The following TGFB3 variants were observed in gnomAD, a reference collection of about 807,000 sequenced individuals.
TGFB3 encodes transforming growth factor beta 3.
Under a neutral mutation model 40.1 loss-of-function variants are expected in TGFB3, and 5 were observed. The ratio of observed to expected loss-of-function variants is 0.12; its 90% confidence interval spans 0.07 to 0.26. TGFB3 has a LOEUF of 0.26. TGFB3 is among the 10% of genes least tolerant of loss of function. The probability of loss-of-function intolerance (pLI) is 1.00; values close to 1 mark genes in which losing one functional copy is unlikely to be tolerated. For missense variants in TGFB3, 373 were observed against 530.1 expected (o/e 0.70, Z 2.91); for synonymous variants, 184 against 205.6 (o/e 0.89, Z 0.90).
upstream of TGFB3, chr14:75,982,994 C>T (rs2035455168): frequency 1.3e-5 from 2 of 152,388 alleles, no homozygotes; most frequent in Non-Finnish European, 2.9e-5. The surrounding 1 kb of genome is among the most constrained non-coding windows in gnomAD (Gnocchi z 4.0). Flanking sequence ...ACCTCTAGGC[C>T]TTTTCCCACG....
intron 3 of TGFB3, among the ~76,000 whole-genome samples, chr14:75,969,397 G>C (rs1318798243): frequency 6.6e-6 from 1 of 152,174 alleles, no homozygotes; most frequent in Non-Finnish European, 1.5e-5. Flanking sequence ...CCAAGAAAAG[G>C]GAAAGAAACA....
rs185422949 is a variant in TGFB3, at chr14:75,971,335, A to T, written c.517-80T>A. On this transcript the variant is annotated intron_variant, in intron 2 of 6. Coordinates refer to ENST00000238682, the MANE Select transcript of TGFB3 (RefSeq NM_003239.5). The surrounding 1 kb of genome is among the most constrained non-coding windows in gnomAD (Gnocchi z 4.5). ...GATGTCACAATGCAGAGCACAGGTG[A>T]GGGAGCGATAGGAAACCAGTGGTTC... 6.9e-6 allele frequency: 11 copies of T among 1,604,792 alleles called. No homozygotes were observed. The East Asian group carries it at 2.5e-4, about 36-fold the overall frequency.
At chr14:75,963,163 A>G (rs754438130) in intron 5 of TGFB3, 153 bp downstream of exon 5, 52 of 880,244 alleles carry the variant, frequency 5.9e-5, no homozygotes, top group Middle Eastern at 6.6e-4. Context: ...CACAGAGAAA[A>G]TCTCTGTGAG....
At position 75,980,642 on chromosome 14, in the gene TGFB3, A is replaced by G. The variant is rs200433546; in HGVS notation, c.252T>C (p.His84=). 3.1e-6 allele frequency: 5 copies of G among 1,614,028 alleles called. No homozygotes were observed. Among genetic ancestry groups the G allele is most frequent in the African/African-American group, 2.7e-5 (2 of 74,958 alleles). The part of the protein sequence containing the change: ...NSTRELLEEM[H]GEREEGCTQE... ...GGGTGCAGCCTTCCTCCCTCTCCCC[A>G]TGCATCTCCTCCAGCAGCTCCCGGG... The change falls in exon 1 of 7, where the codon CAT becomes CAC. Residue 84 remains histidine, a synonymous_variant. Transcript: ENST00000238682. This position sits in a 1 kb window ranked among gnomAD's most constrained non-coding sequence, Gnocchi z 4.3.
intron 4 of TGFB3, 87 bp downstream of exon 4, chr14:75,965,501 G>T (rs2035210295): frequency 1.7e-6 from 2 of 1,148,082 alleles, no homozygotes; most frequent in African/African-American, 3.0e-5. Context: ...TTCTTTTCTT[G>T]AGGTCTGGTA....
Position 75,963,794 on chromosome 14 carries a change from T to G in TGFB3, c.755-307A>C, listed in dbSNP as rs11466436. On this transcript the variant is annotated intron_variant, in intron 4 of 6. Transcript: ENST00000238682. ...GGCAGAAAGCCCTTGCTGAGATTCC[T>G]AGGAATCTTCATGGACCTATGAAGC... Among the ~76,000 whole-genome samples the G allele has an allele frequency of 4.1e-3, 622 of 152,332 alleles. 3 individuals are homozygous for G. The highest frequency in any genetic ancestry group is 0.015 in the African/African-American group (606 of 41,578).
Position 75,959,157 on chromosome 14 carries a change from C to T in TGFB3, c.*30G>A. On this transcript the variant is annotated 3_prime_UTR_variant, in exon 7 of 7. Coordinates refer to ENST00000238682, the MANE Select transcript of TGFB3 (RefSeq NM_003239.5). Reference sequence around the variant, plus strand: ...CGGGCAGTCAGGCAGTGGTGGTTCTCTCTCCCCTCTCTCTGTCGCACGTGG... The same window carrying T: ...CGGGCAGTCAGGCAGTGGTGGTTCTTTCTCCCCTCTCTCTGTCGCACGTGG... 6.2e-7 allele frequency: 1 copy of T among 1,613,974 alleles called. No individual in the cohort carries two copies. The highest frequency in any genetic ancestry group is 2.2e-5 in the East Asian group (1 of 44,878).
intron 3 of TGFB3, among the ~76,000 whole-genome samples, chr14:75,967,959 A>T (rs1449774914): frequency 3.9e-5 from 6 of 152,074 alleles, no homozygotes. Flanking sequence ...CCAGTGTCCC[A>T]CCTTTCCTGA....
chr14:75,959,795 T>A, intron 6 of TGFB3, among the ~76,000 whole-genome samples: 1 of 151,360 alleles, frequency 6.6e-6, no homozygotes, highest in East Asian at 1.9e-4. Flanking sequence ...AAAAAACTGT[T>A]GGAACCTGGT....
chr14:75,973,420 A>G (rs1233151135), intron 1 of TGFB3, among the ~76,000 whole-genome samples: 1 of 152,272 alleles, frequency 6.6e-6, no homozygotes, highest in Non-Finnish European at 1.5e-5. Context: ...TGTCTAATGA[A>G]GCCCTGATTA....
rs4252327 is a variant in TGFB3, at chr14:75,970,912, G to T, written c.646+214C>A. 507 of 594,842 alleles carry T rather than the reference G, an allele frequency of 8.5e-4. 1 individual carries two copies. Among genetic ancestry groups the T allele is most frequent in the African/African-American group, 8.5e-3 (459 of 54,292 alleles). The allele number at this position is 594,842 out of a possible 1,614,324, so 36.8% of individuals were successfully genotyped here. ...CATTGCCCTCTTTCTATTTCTCATA[G>T]TTCCTATCCCTGTGGCTGCATCCCC... On this transcript the variant is annotated intron_variant, in intron 3 of 6. Coordinates refer to ENST00000238682, the MANE Select transcript of TGFB3 (RefSeq NM_003239.5).
In TGFB3 at chr14:75,959,140, C is replaced by A; in HGVS notation, c.*47G>T. On this transcript the variant is annotated 3_prime_UTR_variant, in exon 7 of 7. Coordinates refer to ENST00000238682, the MANE Select transcript of TGFB3 (RefSeq NM_003239.5). Reference sequence around the variant, plus strand: ...GTGTGTTTCCCGAGGAGCGGGCAGTCAGGCAGTGGTGGTTCTCTCTCCCCT... The same window carrying A: ...GTGTGTTTCCCGAGGAGCGGGCAGTAAGGCAGTGGTGGTTCTCTCTCCCCT... The A allele has an allele frequency of 6.2e-7, 1 of 1,613,268 alleles. No individual in the cohort carries two copies. Among genetic ancestry groups the A allele is most frequent in the Non-Finnish European group, 8.5e-7 (1 of 1,179,408 alleles).
At chr14:75,982,818 G>A (rs942581344), upstream of TGFB3, 2 of 152,444 alleles carry the variant, frequency 1.3e-5, no homozygotes, top group Non-Finnish European at 2.9e-5. The surrounding 1 kb of genome is among the most constrained non-coding windows in gnomAD (Gnocchi z 4.0). Flanking sequence ...CGCCGCTCCG[G>A]AGCCGCTCTC....
chr14:75,963,297 C>T lies in TGFB3; in HGVS notation c.926+19G>A. 6.2e-7 allele frequency: 1 copy of T among 1,613,886 alleles called. No homozygotes were observed. The highest frequency in any genetic ancestry group is 1.3e-5 in the African/African-American group (1 of 75,018). On this transcript the variant is annotated intron_variant, in intron 5 of 6. Transcript: ENST00000238682. ...TAGGCAGGCAGTAGATGTTGGTTCCCATGTGGGCCCAGTCTCACCGGAAGC... is the reference window on the plus strand; with the variant it reads ...TAGGCAGGCAGTAGATGTTGGTTCCTATGTGGGCCCAGTCTCACCGGAAGC...
chr14:75,972,892 T>C (rs1179722786), intron 1 of TGFB3, among the ~76,000 whole-genome samples: 4 of 152,184 alleles, frequency 2.6e-5, no homozygotes, highest in African/African-American at 9.7e-5. Flanking sequence ...ACACAGATGC[T>C]TCCTCTGACC....
Position 75,981,474 on chromosome 14 carries a change from G to T in TGFB3, c.-581C>A. 1 of 177,718 alleles carries T rather than the reference G, an allele frequency of 5.6e-6. No homozygotes were observed. Among genetic ancestry groups the T allele is most frequent in the East Asian group, 1.5e-4 (1 of 6,654 alleles). The allele number at this position is 177,718 out of a possible 1,614,324, so 11.0% of individuals were successfully genotyped here. On this transcript the variant is annotated 5_prime_UTR_variant, in exon 1 of 7. Coordinates refer to ENST00000238682, the MANE Select transcript of TGFB3 (RefSeq NM_003239.5). This position sits in a 1 kb window ranked among gnomAD's most constrained non-coding sequence, Gnocchi z 4.7. ...TGAGTAGGTGGGGAGAAGCAGGGCC[G>T]GGCAGTTGCTGGCCCAGCTAAAGGT...
In TGFB3 at chr14:75,958,992, C is replaced by G; in HGVS notation, c.*195G>C. The G allele has an allele frequency of 2.9e-6, 2 of 684,980 alleles. No homozygotes were observed. Among genetic ancestry groups the G allele is most frequent in the Non-Finnish European group, 5.1e-6 (2 of 391,576 alleles). 42.4% of individuals were successfully genotyped at this position (684,980 alleles called of 1,614,324 possible). On this transcript the variant is annotated 3_prime_UTR_variant, in exon 7 of 7. Coordinates refer to ENST00000238682, the MANE Select transcript of TGFB3 (RefSeq NM_003239.5). ...CTTCCTCTAACCAAACCCACACTTTCTTTACCACCGTGATTCTCAGAGCCA... is the reference window on the plus strand; with the variant it reads ...CTTCCTCTAACCAAACCCACACTTTGTTTACCACCGTGATTCTCAGAGCCA...
chr14:75,963,608 T>C (rs1595339382), intron 4 of TGFB3, 121 bp from the exon 5 acceptor site: 1 of 1,205,390 alleles, frequency 8.3e-7, no homozygotes, highest in Non-Finnish European at 1.2e-6. Flanking sequence ...GCGAGGGAGG[T>C]GTGGGGGACA....
chr14:75,965,961 A>T, intron 3 of TGFB3: 1 of 490,866 alleles, frequency 2.0e-6, no homozygotes, highest in Non-Finnish European at 3.7e-6. Flanking sequence ...ACAGAAGTGG[A>T]ATAATCATTC....
Sources: allele counts gnomAD v4.1 joint callset (sites outside exome capture counted in the v4.1 genomes callset), GRCh38; gene constraint gnomAD v4.1.1; non-coding constraint Gnocchi (gnomAD v3.1); transcripts MANE v1.5; gene names NCBI Gene and HGNC (gene_info 2026-07-23, HGNC 2026-07-21).